SRGAP2B: variants seen among roughly 807,000 people sequenced by gnomAD.
SRGAP2B encodes SLIT-ROBO Rho GTPase-activating protein 2B.
SRGAP2B carries 9 observed loss-of-function variants against 22.2 expected under a neutral mutation model. The ratio of observed to expected loss-of-function variants is 0.41; its 90% CI spans 0.24 to 0.71. SRGAP2B has a LOEUF of 0.71. SRGAP2B is among the 30% of genes least tolerant of loss of function. The pLI, the probability that SRGAP2B is intolerant of heterozygous loss-of-function variation, is 0.35. For synonymous variants in SRGAP2B, 36 were observed against 87.4 expected (o/e 0.41, Z 3.28); for missense variants, 114 against 235.8 (o/e 0.48, Z 3.38).
At chr1:144,966,597 A>G in intron 3 of SRGAP2B, among the ~76,000 whole-genome samples, 1 of 146,606 alleles carries the variant, frequency 6.8e-6, no homozygotes. Context: ...TGAACAAAAT[A>G]GCCAGCTAAC....
intron 5 of SRGAP2B, among the ~76,000 whole-genome samples, chr1:144,912,529 T>A (rs1663502132): frequency 6.8e-6 from 1 of 146,546 alleles, no homozygotes; most frequent in Non-Finnish European, 1.5e-5. Flanking sequence ...TCTCAATGTC[T>A]CTATATTGAC....
chr1:145,016,842 G>A (rs1484902379), intron 2 of SRGAP2B, among the ~76,000 whole-genome samples: 3 of 140,786 alleles, frequency 2.1e-5, no homozygotes, highest in Non-Finnish European at 4.7e-5. Flanking sequence ...AAGCACTCAA[G>A]TTTTTTTTTT....
At chr1:145,031,780 G>A (rs1452475953) in intron 2 of SRGAP2B, among the ~76,000 whole-genome samples, 2 of 143,260 alleles carry the variant, frequency 1.4e-5, no homozygotes, top group African/African-American at 5.7e-5. Flanking sequence ...CCGGGAGGCG[G>A]AGCTTGCAGT....
chr1:145,066,792 T>A (rs1651544263), intron 2 of SRGAP2B, among the ~76,000 whole-genome samples: 1 of 147,778 alleles, frequency 6.8e-6, no homozygotes, highest in Non-Finnish European at 1.5e-5. Flanking sequence ...GGGAAATCAG[T>A]GAGTTGATAT....
At chr1:145,041,079 A>ATATG (rs1649187375) in intron 2 of SRGAP2B, among the ~76,000 whole-genome samples, 1 of 42,748 alleles carries the variant, frequency 2.3e-5, no homozygotes. Context: ...TATATAGTAT[A>ATATG]TATATATATA....
intron 3 of SRGAP2B, among the ~76,000 whole-genome samples, chr1:144,993,153 G>C: frequency 6.6e-6 from 1 of 151,006 alleles, no homozygotes. Context: ...TGTTTGGCTC[G>C]GGTATAGTGG....
intron 2 of SRGAP2B, among the ~76,000 whole-genome samples, chr1:145,036,450 TTAATAG>T (rs1648728208): frequency 2.1e-5 from 2 of 97,134 alleles, no homozygotes; most frequent in Non-Finnish European, 4.0e-5. Flanking sequence ...GTTAATAATA[TTAATAG>T]TATCAGCTAC....
chr1:144,967,646 C>A (rs1668187213), intron 3 of SRGAP2B, among the ~76,000 whole-genome samples: 1 of 102,578 alleles, frequency 9.7e-6, no homozygotes, highest in Admixed American at 1.0e-4. Flanking sequence ...AAAATCAGAG[C>A]AGAACTGAAG....
At chr1:144,908,930 T>C (rs1247245972) in intron 5 of SRGAP2B, among the ~76,000 whole-genome samples, 1 of 135,802 alleles carries the variant, frequency 7.4e-6, no homozygotes. Flanking sequence ...GATAGGCAAA[T>C]GCAAACTATG....
intron 2 of SRGAP2B, among the ~76,000 whole-genome samples, chr1:145,062,996 G>A (rs1413726901): frequency 6.7e-6 from 1 of 149,896 alleles, no homozygotes; most frequent in Non-Finnish European, 1.5e-5. Context: ...TCGTATTAAC[G>A]ACTTACTTGC....
intron 4 of SRGAP2B, among the ~76,000 whole-genome samples, chr1:144,938,755 ATTCCAG>A: frequency 2.5e-5 from 3 of 120,664 alleles, no homozygotes; most frequent in Admixed American, 8.5e-5. Context: ...TATCTGCTAT[ATTCCAG>A]TGCCTAGCAC....
At chr1:144,933,861 A>AAG (rs1665402043) in intron 4 of SRGAP2B, among the ~76,000 whole-genome samples, 1 of 151,406 alleles carries the variant, frequency 6.6e-6, no homozygotes, top group Non-Finnish European at 1.5e-5. Flanking sequence ...TTCTGAACCC[A>AAG]AGAGAGGATA....
intron 3 of SRGAP2B, among the ~76,000 whole-genome samples, chr1:144,992,877 TCAAA>T (rs1209286839): frequency 2.7e-5 from 4 of 150,504 alleles, no homozygotes; most frequent in African/African-American, 5.0e-5. Context: ...CACCAGAAGA[TCAAA>T]CAAACTTATA....
At chr1:144,950,855 T>A (rs1666802071) in intron 4 of SRGAP2B, among the ~76,000 whole-genome samples, 1 of 150,720 alleles carries the variant, frequency 6.6e-6, no homozygotes, top group Non-Finnish European at 1.5e-5. Context: ...TCTCTCTCTC[T>A]TCTTTTTTTC....
intron 2 of SRGAP2B, among the ~76,000 whole-genome samples, chr1:145,084,808 C>A (rs587733607): frequency 1.1e-3 from 168 of 150,550 alleles, no homozygotes; most frequent in African/African-American, 4.0e-3. Flanking sequence ...AAGAAAGAAG[C>A]CATATTAAGA....
intron 2 of SRGAP2B, among the ~76,000 whole-genome samples, chr1:145,030,363 A>G (rs1648134872): frequency 6.7e-6 from 1 of 149,354 alleles, no homozygotes; most frequent in Admixed American, 6.6e-5. Context: ...TCCATGTTTG[A>G]ATACTATACA....
intron 2 of SRGAP2B, among the ~76,000 whole-genome samples, chr1:145,011,851 G>A (rs1165820121): frequency 8.0e-5 from 12 of 150,280 alleles, no homozygotes; most frequent in Middle Eastern, 3.4e-3. Flanking sequence ...ATCTTTCAAT[G>A]GCTTCCCAGT....
At chr1:145,085,000 T>C (rs587599553) in intron 2 of SRGAP2B, among the ~76,000 whole-genome samples, 6 of 150,956 alleles carry the variant, frequency 4.0e-5, no homozygotes, top group Admixed American at 3.3e-4. Context: ...TAGAGTGCAG[T>C]GGCATGATCT....
rs1156257790 is a variant in SRGAP2B at position 144,924,731 on chromosome 1, CAAAAAAAAA to C, written c.424-9986_424-9978del. Among the ~76,000 whole-genome samples, 30 of 58,204 alleles carry C rather than the reference CAAAAAAAAA, an allele frequency of 5.2e-4. 1 individual carries two copies. Among genetic ancestry groups the C allele is most frequent in the African/African-American group, 2.2e-3 (29 of 13,402 alleles). The allele number at this position is 58,204 out of a possible 152,430, so 38.2% of individuals were successfully genotyped here. On this transcript the variant is annotated intron_variant, in intron 4 of 9. Coordinates refer to ENST00000612199, the Ensembl canonical transcript of SRGAP2B. ...TCGGTGACAGAGCGAAACTCCGTCT[CAAAAAAAAA>C]AAAAAAAAAAAGAATGTGTATCTAC...
Sources: gnomAD v4.1 joint callset for allele counts (sites outside exome capture counted in the v4.1 genomes callset) on GRCh38, gnomAD v4.1.1 for gene constraint, MANE v1.5 for transcripts, NCBI Gene and HGNC (gene_info 2026-07-23, HGNC 2026-07-21) for gene names.